ZMYM2: variants seen among roughly 807,000 people sequenced by gnomAD.
ZMYM2 encodes zinc finger MYM-type protein 2.
A neutral mutation model predicts 162.8 loss-of-function variants in ZMYM2; 56 were observed. That is an observed-to-expected ratio of 0.34 (90% CI 0.28 to 0.43). The LOEUF (loss-of-function observed/expected upper bound fraction) is 0.43. Ranked by LOEUF, ZMYM2 falls within the 20% of genes least tolerant of loss-of-function variation. The pLI is 1.00. For synonymous variants in ZMYM2, 510 were observed against 541.6 expected, an observed-to-expected ratio of 0.94 and a Z score of 0.81; for missense variants, 1,275 against 1,621.8, an observed-to-expected ratio of 0.79 and a Z score of 3.67.
In ZMYM2 at chr13:20,049,036, A is replaced by G. The variant is rs202039136; in HGVS notation, c.2293-2397A>G. Among the ~76,000 whole-genome samples, 7 of 152,038 alleles carry G rather than the reference A, an allele frequency of 4.6e-5. No homozygotes were observed. In the East Asian group the frequency reaches 1.3e-3, roughly 29 times the overall value. On this transcript the variant is annotated intron_variant, in intron 12 of 24. Coordinates refer to ENST00000610343, the MANE Select transcript of ZMYM2 (RefSeq NM_197968.4). ...TGATGGTCATTAATGATCTTTTTAA[A>G]TTGGCCACCATATTTTAGCTGAATT...
the ZMYM2 span, among the ~76,000 whole-genome samples, chr13:19,901,536 G>A: frequency 2.0e-5 from 3 of 151,394 alleles, no homozygotes; most frequent in Non-Finnish European, 2.9e-5. Flanking sequence ...TGGCTCTGTC[G>A]CCCAGTGGCG....
chr13:19,969,856 A>G (rs1956153414), intron 2 of ZMYM2, among the ~76,000 whole-genome samples: 1 of 152,098 alleles, frequency 6.6e-6, no homozygotes, highest in African/African-American at 2.4e-5. Context: ...GAACATCTCA[A>G]GAAAAAAATG....
the ZMYM2 span, among the ~76,000 whole-genome samples, chr13:19,884,491 T>C: frequency 8.3e-4 from 126 of 151,262 alleles, 1 homozygote; most frequent in Middle Eastern, 3.4e-3. Context: ...GGCAGGAAAA[T>C]AGCGTGAACC....
intron 2 of ZMYM2, among the ~76,000 whole-genome samples, chr13:19,973,702 A>G (rs959261547): frequency 1.3e-5 from 2 of 151,620 alleles, no homozygotes; most frequent in African/African-American, 4.8e-5. Context: ...CCAAAAAACA[A>G]AACAAAAAAC....
At chr13:19,886,045 A>G in the ZMYM2 span, among the ~76,000 whole-genome samples, 1 of 146,788 alleles carries the variant, frequency 6.8e-6, no homozygotes, top group African/African-American at 2.5e-5. Context: ...GGTATTTTTA[A>G]TCTATAGGAA....
At chr13:19,962,824 AT>A (rs34502556) in intron 2 of ZMYM2, among the ~76,000 whole-genome samples, 2,535 of 113,494 alleles carry the variant, frequency 0.022, 59 homozygotes, top group African/African-American at 0.082. Flanking sequence ...TTGCCCAGCC[AT>A]TTTTTTTTTT....
chr13:19,900,669 A>G, the ZMYM2 span, among the ~76,000 whole-genome samples: 1 of 152,184 alleles, frequency 6.6e-6, no homozygotes, highest in African/African-American at 2.4e-5. Context: ...ATGAATATTG[A>G]TACAAAAATC....
chr13:19,965,289 T>C (rs1955643493), intron 2 of ZMYM2: 1 of 1,292,674 alleles, frequency 7.7e-7, no homozygotes, highest in Non-Finnish European at 1.0e-6. Flanking sequence ...AGTGTAAGAA[T>C]TGACAACTAA....
the ZMYM2 span, among the ~76,000 whole-genome samples, chr13:19,902,983 C>T: frequency 6.6e-6 from 1 of 151,656 alleles, no homozygotes; most frequent in East Asian, 1.9e-4. Context: ...ATGGTGAAAC[C>T]CCATCTCTAC....
chr13:20,059,512 A>G lies in ZMYM2; in HGVS notation c.2689A>G (p.Met897Val). The change falls in exon 16 of 25, where the codon ATG becomes GTG. Residue 897 changes from methionine (M) to valine (V), a missense_variant. Around this residue, in one of 10 missense-constraint regions of ZMYM2, gnomAD observed 5 missense variants for 31.9 expected, o/e 0.16. Coordinates refer to ENST00000610343, the MANE Select transcript of ZMYM2 (RefSeq NM_197968.4). ...TGTGCCTGTGTATATCCCAGTTCCT[A>G]TGCACATGTACAGTCAGAATATTCC... Reference protein sequence around the residue: ...IPVPVYIPVPMHMYSQNIPVP... With the variant: ...IPVPVYIPVPVHMYSQNIPVP... 1 of 1,480,832 alleles carries G rather than the reference A, an allele frequency of 6.8e-7. No individual in the cohort carries two copies. Among genetic ancestry groups the G allele is most frequent in the Non-Finnish European group, 9.4e-7 (1 of 1,058,742 alleles). 91.7% of individuals were successfully genotyped at this position (1,480,832 alleles called of 1,614,324 possible). A position where few individuals can be genotyped will look rare whatever the true frequency, so the allele number is the denominator to read the frequency against.
the ZMYM2 span, among the ~76,000 whole-genome samples, chr13:19,902,056 T>C: frequency 6.6e-6 from 1 of 152,126 alleles, no homozygotes; most frequent in Admixed American, 6.6e-5. Flanking sequence ...CCCAAAGGTA[T>C]TGGGATTACA....
chr13:19,974,664 G>C (rs1188173610), intron 2 of ZMYM2, among the ~76,000 whole-genome samples: 1 of 151,962 alleles, frequency 6.6e-6, no homozygotes, highest in Non-Finnish European at 1.5e-5. Context: ...TAGAGATGGG[G>C]TTTCACCATG....
At chr13:20,041,054 T>C (rs1190019186) in intron 12 of ZMYM2, among the ~76,000 whole-genome samples, 1 of 152,224 alleles carries the variant, frequency 6.6e-6, no homozygotes, top group Non-Finnish European at 1.5e-5. Context: ...ATGTGCCATG[T>C]GACAGTGAGA....
chr13:20,047,185 C>T (rs1954903961), intron 12 of ZMYM2, among the ~76,000 whole-genome samples: 1 of 152,168 alleles, frequency 6.6e-6, no homozygotes. Flanking sequence ...CTTCATTCAT[C>T]CTTGGTTTTG....
At chr13:20,027,368 A>G in intron 9 of ZMYM2, 50 bp downstream of exon 9, 2 of 1,377,500 alleles carry the variant, frequency 1.5e-6, no homozygotes, top group Non-Finnish European at 2.0e-6. Context: ...ATACACATAG[A>G]AAATAATCAG....
chr13:20,044,999 A>C (rs1954626159), intron 12 of ZMYM2, among the ~76,000 whole-genome samples: 1 of 147,564 alleles, frequency 6.8e-6, no homozygotes, highest in East Asian at 2.0e-4. Flanking sequence ...GCAGTGAGGT[A>C]AGATGGCACC....
chr13:19,967,488 G>T (rs1054336969), intron 2 of ZMYM2, among the ~76,000 whole-genome samples: 34 of 152,202 alleles, frequency 2.2e-4, no homozygotes, highest in Non-Finnish European at 4.3e-4. Context: ...GAGTTTTGGG[G>T]TGATAGAGTG....
At chr13:20,031,072 GTA>G (rs1953083668) in intron 9 of ZMYM2, among the ~76,000 whole-genome samples, 1 of 152,050 alleles carries the variant, frequency 6.6e-6, no homozygotes. Flanking sequence ...ATGATTGAAT[GTA>G]TGATTTTTTC....
intron 2 of ZMYM2, among the ~76,000 whole-genome samples, chr13:19,977,010 C>T (rs1278245731): frequency 6.6e-6 from 1 of 152,124 alleles, no homozygotes; most frequent in Non-Finnish European, 1.5e-5. Flanking sequence ...TAGAACGAAC[C>T]TTTCATCAAT....
Sources: allele counts gnomAD v4.1 joint callset (sites outside exome capture counted in the v4.1 genomes callset), GRCh38; gene constraint gnomAD v4.1.1; regional missense constraint gnomAD v4.1.1; transcripts MANE v1.5; gene names NCBI Gene and HGNC (gene_info 2026-07-23, HGNC 2026-07-21).